Variants in TMLHE observed in about 807,000 individuals in gnomAD.
The protein encoded by TMLHE is trimethyllysine hydroxylase, epsilon.
TMLHE carries 18 observed loss-of-function variants against 25.7 expected under a neutral mutation model. The ratio of observed to expected loss-of-function variants is 0.70; its 90% CI spans 0.48 to 1.04. The LOEUF (loss-of-function observed/expected upper bound fraction) is 1.04, where lower values mean the gene tolerates loss of function less well. Ranked by LOEUF, TMLHE falls within the 50% of genes least tolerant of loss-of-function variation. The pLI is 0.00. For synonymous variants in TMLHE, 105 were observed against 97.0 expected, an observed-to-expected ratio of 1.08 and a Z score of -0.49; for missense variants, 236 against 259.0, an observed-to-expected ratio of 0.91 and a Z score of 0.61.
In TMLHE at chrX:155,551,852, T is replaced by G. The variant is rs896019632; in HGVS notation, c.-1-6575A>C. Among the ~76,000 whole-genome samples the G allele has an allele frequency of 4.5e-5, 5 of 110,456 alleles. No individual in the cohort carries two copies. The East Asian group carries it at 1.4e-3, about 31-fold the overall frequency. Reference sequence around the variant, plus strand: ...GTTATATATGTAGTATTTTTTGGAATGTTGGATATTGTGGATGGCGTGTTT... The same window carrying G: ...GTTATATATGTAGTATTTTTTGGAAGGTTGGATATTGTGGATGGCGTGTTT... On this transcript the variant is annotated intron_variant, in intron 1 of 7. Transcript: ENST00000334398.
At position 155,524,585 on chromosome X, in the gene TMLHE, G is replaced by T; in HGVS notation, c.229C>A (p.Arg77=). The change falls in exon 3 of 8, where the codon CGA becomes AGA. Residue 77 remains arginine (R), a synonymous_variant. Transcript: ENST00000334398. ...CACGATGCTGAGCGGCAGTGGTCTCGAAGCCAGACGTAATCAAAGCGCATC... is the reference window on the plus strand; with the variant it reads ...CACGATGCTGAGCGGCAGTGGTCTCTAAGCCAGACGTAATCAAAGCGCATC... ...TVMRFDYVWL[R]DHCRSASCYN... 8.3e-7 allele frequency: 1 copy of T among 1,203,719 alleles called. No individual in the cohort carries two copies. Among genetic ancestry groups the T allele is most frequent in the South Asian group, 1.8e-5 (1 of 54,872 alleles).
chrX:155,568,845 C>A lies in TMLHE; in HGVS notation c.-1-23568G>T, dbSNP rs1416855600. Reference sequence around the variant, plus strand: ...CAAAAACCCATCTGTACATCACCATCATCAAAGACCAAAAGTAGATAAAAC... The same window carrying A: ...CAAAAACCCATCTGTACATCACCATAATCAAAGACCAAAAGTAGATAAAAC... On this transcript the variant is annotated intron_variant, in intron 1 of 7. Coordinates refer to ENST00000334398, the MANE Select transcript of TMLHE (RefSeq NM_018196.4). 3.3e-5 allele frequency among the ~76,000 whole-genome samples: 2 copies of A among 60,879 alleles called. 1 individual carries two copies. The highest frequency in any genetic ancestry group is 9.1e-5 in the Non-Finnish European group (2 of 22,052). 52.9% of individuals were successfully genotyped at this position (60,879 alleles called of 115,157 possible).
At chrX:155,599,202 G>A (rs1398335438) in intron 1 of TMLHE, among the ~76,000 whole-genome samples, 2 of 111,782 alleles carry the variant, frequency 1.8e-5, no homozygotes, top group Admixed American at 1.9e-4. Flanking sequence ...AGAGTCAGAA[G>A]CCCTAACCCC....
chrX:155,554,012 TCA>T (rs2124433648), intron 1 of TMLHE, among the ~76,000 whole-genome samples: 1 of 108,849 alleles, frequency 9.2e-6, no homozygotes, highest in African/African-American at 3.4e-5. Flanking sequence ...ATTCATTCAT[TCA>T]TTCATTTATA....
At chrX:155,553,981 TATTCATTCATTCATTC>T (rs56360611) in intron 1 of TMLHE, among the ~76,000 whole-genome samples, 4,828 of 99,662 alleles carry the variant, frequency 0.048, 367 homozygotes, top group African/African-American at 0.16. Context: ...TTACTATTTT[TATTCATTCATTCATTC>T]ATTCATTCAT....
rs1352733735 is a variant in TMLHE, at chrX:155,570,832, A to G, written c.-1-25555T>C. Among the ~76,000 whole-genome samples the G allele has an allele frequency of 7.1e-5, 4 of 56,142 alleles. 2 individuals are homozygous for G. The highest frequency in any genetic ancestry group is 1.9e-4 in the Non-Finnish European group (4 of 21,280). The allele number at this position is 56,142 out of a possible 115,157, so 48.8% of individuals were successfully genotyped here. On this transcript the variant is annotated intron_variant, in intron 1 of 7. Transcript: ENST00000334398. ...TACCAGAATCTCTGGGACACATTCA[A>G]AGTGTCTAGAGGGAAATTTATAGCA...
chrX:155,550,650 T>C (rs2067408453), intron 1 of TMLHE, among the ~76,000 whole-genome samples: 1 of 111,094 alleles, frequency 9.0e-6, no homozygotes, highest in Non-Finnish European at 1.9e-5. Flanking sequence ...GCTAGCCTTC[T>C]CTTTTGGACT....
intron 1 of TMLHE, 152 bp downstream of exon 1, chrX:155,612,640 G>A (rs782111962): frequency 8.9e-6 from 1 of 112,764 alleles, no homozygotes; most frequent in East Asian, 2.8e-4. Flanking sequence ...CTCTCCGCCA[G>A]GGTTAAGGTG....
intron 1 of TMLHE, among the ~76,000 whole-genome samples, chrX:155,607,928 A>G (rs915985024): frequency 8.9e-6 from 1 of 112,061 alleles, no homozygotes; most frequent in Non-Finnish European, 1.9e-5. Flanking sequence ...ACAAATGAAA[A>G]ATCATTCCAT....
intron 1 of TMLHE, among the ~76,000 whole-genome samples, chrX:155,589,626 G>A (rs781883537): frequency 9.8e-5 from 11 of 111,683 alleles, no homozygotes; most frequent in Admixed American, 2.8e-4. Flanking sequence ...ATTAGAGGTC[G>A]AGAAGGATGT....
At chrX:155,605,250 A>T (rs1352974751) in intron 1 of TMLHE, among the ~76,000 whole-genome samples, 2 of 111,955 alleles carry the variant, frequency 1.8e-5, no homozygotes, top group African/African-American at 6.5e-5. Context: ...AAAACATAAT[A>T]CTGTCCATGA....
intron 1 of TMLHE, among the ~76,000 whole-genome samples, chrX:155,583,752 A>G (rs1276598044): frequency 8.9e-6 from 1 of 111,989 alleles, no homozygotes; most frequent in Admixed American, 9.5e-5. Context: ...AGTGGGAACT[A>G]AGTAATGTGC....
At chrX:155,571,760 A>G (rs2067554094) in intron 1 of TMLHE, among the ~76,000 whole-genome samples, 1 of 49,712 alleles carries the variant, frequency 2.0e-5, no homozygotes, top group African/African-American at 4.9e-5. Context: ...TAGATGCAGA[A>G]AAGGCCTTTG....
chrX:155,607,144 A>T (rs1557347925), intron 1 of TMLHE, among the ~76,000 whole-genome samples: 1 of 111,645 alleles, frequency 9.0e-6, no homozygotes, highest in Non-Finnish European at 1.9e-5. Context: ...TGATACCAAA[A>T]CCTGGCAAGG....
rs189365412 is a variant in TMLHE at position 155,586,669 on chromosome X, T to C, written c.-2+26123A>G. On this transcript the variant is annotated intron_variant, in intron 1 of 7. Transcript: ENST00000334398. ...AGACCCAAATAAACAAAATTAGAAATGAAAAAGGAGATATTACAACTGATA... is the reference window on the plus strand; with the variant it reads ...AGACCCAAATAAACAAAATTAGAAACGAAAAAGGAGATATTACAACTGATA... Among the ~76,000 whole-genome samples the C allele has an allele frequency of 2.2e-3, 239 of 110,604 alleles. 5 individuals are homozygous for C. Among genetic ancestry groups the C allele is most frequent in the Admixed American group, 0.02 (213 of 10,460 alleles).
chrX:155,545,065 T>A, intron 2 of TMLHE, 31 bp downstream of exon 2: 1 of 1,192,390 alleles, frequency 8.4e-7, no homozygotes, highest in South Asian at 1.9e-5. Context: ...CCACAAGTTT[T>A]AAAAAGTATC....
rs142084211 is a variant in TMLHE at position 155,523,276 on chromosome X, C to G, written c.358+1180G>C. Among the ~76,000 whole-genome samples the G allele has an allele frequency of 4.4e-3, 491 of 111,094 alleles. 2 individuals are homozygous for G. Among genetic ancestry groups the G allele is most frequent in the African/African-American group, 0.016 (480 of 30,610 alleles). The stretch of plus-strand genomic sequence containing the variant: ...GGACCTTAAGATGTTCTCATATGTT[C>G]TTTTCTTGAAGTTTTATAGTTTTAT... On this transcript the variant is annotated intron_variant, in intron 3 of 7. Coordinates refer to ENST00000334398, the MANE Select transcript of TMLHE (RefSeq NM_018196.4).
In TMLHE at chrX:155,565,266, G is replaced by T. The variant is rs1459474432; in HGVS notation, c.-1-19989C>A. 6.5e-5 allele frequency among the ~76,000 whole-genome samples: 4 copies of T among 61,841 alleles called. 1 individual carries two copies. Among genetic ancestry groups the T allele is most frequent in the Non-Finnish European group, 1.8e-4 (4 of 22,076 alleles). The allele number at this position is 61,841 out of a possible 115,157, so 53.7% of individuals were successfully genotyped here. On this transcript the variant is annotated intron_variant, in intron 1 of 7. Transcript: ENST00000334398. ...TGGTGAGAGACAATAATATCAGGCA[G>T]GGCATAGCCAATTACATCAGTGTAT...
chrX:155,540,735 A>G (rs1389328453), intron 2 of TMLHE, among the ~76,000 whole-genome samples: 1 of 111,749 alleles, frequency 8.9e-6, no homozygotes, highest in Non-Finnish European at 1.9e-5. Flanking sequence ...TTATAAGGAA[A>G]GGATGCCCAC....
Sources: gnomAD v4.1 joint callset for allele counts (sites outside exome capture counted in the v4.1 genomes callset) on GRCh38, gnomAD v4.1.1 for gene constraint, MANE v1.5 for transcripts, NCBI Gene and HGNC (gene_info 2026-07-23, HGNC 2026-07-21) for gene names.